TMEM235: variants seen among roughly 807,000 people sequenced by gnomAD.
TMEM235 encodes the protein transmembrane protein 235, also known as claudin-27.
TMEM235 carries 23 observed loss-of-function variants against 22.9 expected under a neutral mutation model. That is an observed-to-expected ratio of 1.00 (90% CI 0.72 to 1.42). The LOEUF is 1.42. Ranked by LOEUF, TMEM235 falls within the 40% of genes most tolerant of loss-of-function variation. The probability of loss-of-function intolerance (pLI) is 0.00; values close to 1 mark genes in which losing one functional copy is unlikely to be tolerated. For synonymous variants in TMEM235, 137 were observed against 140.5 expected (o/e 0.98, Z 0.17); for missense variants, 308 against 299.5 (o/e 1.03, Z -0.21).
rs554603427 is a variant in TMEM235 at position 78,238,260 on chromosome 17, C to T, written c.410-764C>T. Among the ~76,000 whole-genome samples the T allele has an allele frequency of 3.3e-5, 5 of 152,260 alleles. No individual in the cohort carries two copies. The highest frequency in any genetic ancestry group is 1.9e-4 in the East Asian group (1 of 5,176). The stretch of plus-strand genomic sequence containing the variant: ...GAACTGCCGGATGAAGCCTGGTGCC[C>T]GCCACCCTGTGCAAAGCCCAGCTTC... On this transcript the variant is annotated intron_variant, in intron 4 of 5. Coordinates refer to ENST00000421688, the Ensembl canonical transcript of TMEM235. This position sits in a 1 kb window ranked among gnomAD's most constrained non-coding sequence, Gnocchi z 4.3.
At chr17:78,235,603 T>TTTG (rs992908446) in intron 4 of TMEM235, among the ~76,000 whole-genome samples, 32 of 146,964 alleles carry the variant, frequency 2.2e-4, no homozygotes, top group Admixed American at 6.7e-5. Flanking sequence ...TACATAGTTT[T>TTTG]TTTTTTTTTT....
chr17:78,234,105 C>T, intron 3 of TMEM235, 130 bp downstream of exon 2: 1 of 828,540 alleles, frequency 1.2e-6, no homozygotes, highest in South Asian at 1.6e-5. Context: ...CGTTTCCACG[C>T]AGACCTGTCC....
At chr17:78,234,664 C>A in exon 4 of TMEM235, 1 of 1,536,194 alleles carries the variant, frequency 6.5e-7, no homozygotes, top group Non-Finnish European at 8.7e-7. Flanking sequence ...GATCTGCGGC[C>A]TGCTCAGCTC....
exon 4 of TMEM235, chr17:78,234,620 T>C (rs1035900297): frequency 6.5e-7 from 1 of 1,536,238 alleles, no homozygotes; most frequent in Middle Eastern, 1.7e-4. Flanking sequence ...ATTGTGGTCC[T>C]GCCCCTGAGC....
intron 4 of TMEM235, among the ~76,000 whole-genome samples, chr17:78,236,454 G>A (rs1001041080): frequency 5.3e-5 from 8 of 152,326 alleles, no homozygotes; most frequent in South Asian, 2.1e-4. Context: ...ACTACATGCC[G>A]AGTGCTGGCC....
Position 78,239,066 on chromosome 17 carries a change from C to T in TMEM235, c.452C>T (p.Ser151Leu), listed in dbSNP as rs373064807. The change falls in exon 5 of 6, where the codon TCG becomes TTG. Residue 151 changes from serine to leucine, a missense_variant. Ser to Leu is a moderately radical substitution (Grantham distance 145, BLOSUM62 -2). Around this residue, in one of 2 missense-constraint regions of TMEM235, gnomAD observed 285 missense variants for 256.2 expected, o/e 1.11. Coordinates refer to ENST00000421688, the Ensembl canonical transcript of TMEM235. ...GGGGTCAGCATCTACATCAGCTACT[C>T]GCACCTGGCCTTTGCGGAGACGGTG... The T allele has an allele frequency of 5.2e-5, 81 of 1,544,218 alleles. No individual in the cohort carries two copies. In the African/African-American group the frequency reaches 7.5e-4, roughly 14 times the overall value.
rs574235931 is a variant in TMEM235, at chr17:78,237,378, G to C, written c.410-1646G>C. Among the ~76,000 whole-genome samples the C allele has an allele frequency of 2.6e-5, 4 of 152,278 alleles. No individual in the cohort carries two copies. The highest frequency in any genetic ancestry group is 2.1e-4 in the South Asian group (1 of 4,822). ...GGGCCCACGGTGACAGAGTCCTTTA[G>C]AGTTTCCCAGCTTGAGGTTGCAGGT... On this transcript the variant is annotated intron_variant, in intron 4 of 5. Transcript: ENST00000421688. The surrounding 1 kb of genome is among the most constrained non-coding windows in gnomAD (Gnocchi z 4.7).
exon 2 of TMEM235, chr17:78,231,795 C>T: frequency 1.6e-6 from 2 of 1,218,782 alleles, no homozygotes; most frequent in Non-Finnish European, 2.1e-6. Context: ...GACTTCCTCT[C>T]CTTTCCCCCA....
At chr17:78,239,936 A>G (rs1179603676) in exon 6 of TMEM235, 1 of 1,550,026 alleles carries the variant, frequency 6.5e-7, no homozygotes, top group African/African-American at 1.4e-5. Flanking sequence ...AGGGCCCGAG[A>G]GCCCCTCCGA....
At position 78,231,723 on chromosome 17, in the gene TMEM235, G is replaced by A. The variant is rs531566968; in HGVS notation, c.-301G>A. ...AATTAAGGAACGTGCCCAGGGACCCGGGGCCAGCCCGTGGGGACGCTGGGA... is the reference window on the plus strand; with the variant it reads ...AATTAAGGAACGTGCCCAGGGACCCAGGGCCAGCCCGTGGGGACGCTGGGA... On this transcript the variant is annotated 5_prime_UTR_variant, in exon 2 of 6. Coordinates refer to ENST00000421688, the Ensembl canonical transcript of TMEM235. The A allele has an allele frequency of 8.8e-6, 11 of 1,248,806 alleles. 1 individual carries two copies. Among genetic ancestry groups the A allele is most frequent in the South Asian group, 8.3e-5 (6 of 72,692 alleles). The allele number at this position is 1,248,806 out of a possible 1,614,324, so 77.4% of individuals were successfully genotyped here.
chr17:78,235,609 T>TC (rs1489063646), intron 4 of TMEM235, among the ~76,000 whole-genome samples: 3 of 148,936 alleles, frequency 2.0e-5, no homozygotes, highest in Non-Finnish European at 4.5e-5. Flanking sequence ...GTTTTTTTTT[T>TC]TTTTTTTTTG....
At chr17:78,240,216 G>T in exon 6 of TMEM235, 1 of 503,434 alleles carries the variant, frequency 2.0e-6, no homozygotes, top group South Asian at 2.5e-5. Context: ...TGGGGTGGGG[G>T]TGTCATGCCA....
chr17:78,236,887 C>G (rs1599045059), intron 4 of TMEM235, among the ~76,000 whole-genome samples: 1 of 123,326 alleles, frequency 8.1e-6, no homozygotes, highest in East Asian at 1.9e-4. Flanking sequence ...GTCAAGGTCT[C>G]CTCTAGACAA....
At chr17:78,231,796 C>A (rs1418903692) in exon 2 of TMEM235, 1 of 1,218,658 alleles carries the variant, frequency 8.2e-7, no homozygotes, top group Admixed American at 3.3e-5. Flanking sequence ...ACTTCCTCTC[C>A]TTTCCCCCAG....
intron 3 of TMEM235, 76 bp downstream of exon 2, chr17:78,234,051 C>A: frequency 7.8e-7 from 1 of 1,288,138 alleles, no homozygotes; most frequent in Non-Finnish European, 1.1e-6. Flanking sequence ...TCCCCATCCC[C>A]ATCCCGCAGC....
At chr17:78,232,935 G>A (rs1376811557) in intron 2 of TMEM235, among the ~76,000 whole-genome samples, 2 of 152,138 alleles carry the variant, frequency 1.3e-5, no homozygotes, top group African/African-American at 4.8e-5. Flanking sequence ...AGTTGTGTGT[G>A]CATGTGAATA....
Position 78,239,763 on chromosome 17 carries a change from CT to C in TMEM235, c.660-14del. On this transcript the variant is annotated splice_polypyrimidine_tract_variant and intron_variant, in intron 5 of 5. Coordinates refer to ENST00000421688, the Ensembl canonical transcript of TMEM235. ...GCAATGGCCCTACTCAATGACTACC[CT>C]TTATCCATTTTACAGAGGGGGAGAC... 1 of 1,537,074 alleles carries C rather than the reference CT, an allele frequency of 6.5e-7. No homozygotes were observed. The highest frequency in any genetic ancestry group is 8.8e-7 in the Non-Finnish European group (1 of 1,135,192).
At chr17:78,236,234 G>C (rs577494332) in intron 4 of TMEM235, among the ~76,000 whole-genome samples, 2 of 152,154 alleles carry the variant, frequency 1.3e-5, no homozygotes, top group South Asian at 2.1e-4. Flanking sequence ...CAGATCATGC[G>C]GGGGGGCCTG....
intron 4 of TMEM235, among the ~76,000 whole-genome samples, chr17:78,236,661 C>T (rs889073309): frequency 2.6e-5 from 4 of 152,244 alleles, no homozygotes; most frequent in Non-Finnish European, 5.9e-5. Context: ...CTCAGCCGCC[C>T]CTGTCAATCA....
Sources: allele counts gnomAD v4.1 joint callset (sites outside exome capture counted in the v4.1 genomes callset), GRCh38; gene constraint gnomAD v4.1.1; regional missense constraint gnomAD v4.1.1; non-coding constraint Gnocchi (gnomAD v3.1); transcripts MANE v1.5; gene names NCBI Gene and HGNC (gene_info 2026-07-23, HGNC 2026-07-21).